KCNQ2: variants seen among roughly 807,000 people sequenced by gnomAD.
The protein encoded by KCNQ2 is potassium voltage-gated channel subfamily Q member 2.
In KCNQ2, 14 loss-of-function variants were observed where a neutral mutation model predicts 84.8. The observed-to-expected ratio is 0.17, with a 90% CI of 0.11 to 0.26. KCNQ2 has a LOEUF of 0.26. Ranked by LOEUF, KCNQ2 falls within the 10% of genes least tolerant of loss-of-function variation. The probability of loss-of-function intolerance (pLI) is 1.00; values close to 1 mark genes in which losing one functional copy is unlikely to be tolerated. For missense variants in KCNQ2, 788 were observed against 1,254.0 expected (o/e 0.63, Z 5.61); for synonymous variants, 599 against 554.1 (o/e 1.08, Z -1.14).
At chr20:63,452,626 G>A (rs567705437) in intron 1 of KCNQ2, among the ~76,000 whole-genome samples, 57 of 152,360 alleles carry the variant, frequency 3.7e-4, no homozygotes, top group African/African-American at 1.3e-3. Context: ...CAGGGGCCTC[G>A]GCCAGAGGCC....
In KCNQ2 at chr20:63,406,309, C is replaced by G; in HGVS notation, c.*335G>C. On this transcript the variant is annotated 3_prime_UTR_variant, in exon 17 of 17. Coordinates refer to ENST00000359125, the MANE Select transcript of KCNQ2 (RefSeq NM_172107.4). ...AGACAACCCCCCGCCTGTTGCCACG[C>G]TGGCAACACCCCGTCATCACTCCCG... 1 of 302,438 alleles carries G rather than the reference C, an allele frequency of 3.3e-6. No individual in the cohort carries two copies. Among genetic ancestry groups the G allele is most frequent in the East Asian group, 6.8e-5 (1 of 14,698 alleles). The allele number at this position is 302,438 out of a possible 1,614,324, so 18.7% of individuals were successfully genotyped here.
At position 63,428,453 on chromosome 20, in the gene KCNQ2, G is replaced by T. The variant is rs1392489754; in HGVS notation, c.1149-18C>A. 5.7e-6 allele frequency: 9 copies of T among 1,576,888 alleles called. No homozygotes were observed. The highest frequency in any genetic ancestry group is 7.8e-6 in the Non-Finnish European group (9 of 1,160,082). ...GGATAAGTCTGGGGCAAGAGAAGGA[G>T]AGGGGAGTGAGCGTCTCACCCTCCC... is the stretch of plus-strand genomic sequence containing the variant. On this transcript the variant is annotated intron_variant, in intron 9 of 16. Transcript: ENST00000359125.
intron 10 of KCNQ2, 55 bp downstream of exon 10, chr20:63,428,312 G>T: frequency 7.2e-7 from 1 of 1,397,778 alleles, no homozygotes; most frequent in Non-Finnish European, 9.9e-7. Context: ...GGGCAGCTGG[G>T]GCCCCCAGGA....
chr20:63,412,177 G>A lies in KCNQ2; in HGVS notation c.1763+1273C>T, dbSNP rs1232893378. 30 of 364,816 alleles carry A rather than the reference G, an allele frequency of 8.2e-5. No individual in the cohort carries two copies. In the East Asian group the frequency reaches 1.6e-3, roughly 19 times the overall value. 22.6% of individuals were successfully genotyped at this position (364,816 alleles called of 1,614,324 possible). Reference sequence around the variant, plus strand: ...AGGGGAGGTGCCCGCAGCAGGAGCCGGTACCAGACAGGCCGCGGCGGGGCA... The same window carrying A: ...AGGGGAGGTGCCCGCAGCAGGAGCCAGTACCAGACAGGCCGCGGCGGGGCA... On this transcript the variant is annotated intron_variant, in intron 15 of 16. Coordinates refer to ENST00000359125, the MANE Select transcript of KCNQ2 (RefSeq NM_172107.4).
At chr20:63,437,924 T>C (rs888243464) in intron 7 of KCNQ2, among the ~76,000 whole-genome samples, 8 of 152,150 alleles carry the variant, frequency 5.3e-5, no homozygotes, top group African/African-American at 1.7e-4. Context: ...ATTCTCCTGC[T>C]TCAGCCTCCC....
At chr20:63,464,194 G>T (rs947194929) in intron 1 of KCNQ2, among the ~76,000 whole-genome samples, 1 of 152,070 alleles carries the variant, frequency 6.6e-6, no homozygotes, top group Admixed American at 6.5e-5. Context: ...GCGAGAGGCC[G>T]CCCAGCATCC....
At chr20:63,415,578 G>A (rs2080274063) in intron 12 of KCNQ2, among the ~76,000 whole-genome samples, 1 of 152,004 alleles carries the variant, frequency 6.6e-6, no homozygotes, top group South Asian at 2.1e-4. Flanking sequence ...GAGGCTGGGT[G>A]GGCAGCAAGC....
chr20:63,419,576 G>A (rs746763984), intron 12 of KCNQ2, 43 bp downstream of exon 12: 1 of 1,577,552 alleles, frequency 6.3e-7, no homozygotes, highest in South Asian at 1.2e-5. Context: ...GGGCAGAGGA[G>A]CCGTGCAGCA....
At chr20:63,410,127 C>T (rs1431732314) in intron 15 of KCNQ2, 4 of 185,910 alleles carry the variant, frequency 2.2e-5, no homozygotes, top group Non-Finnish European at 4.5e-5. Context: ...GAGGGGACGG[C>T]GGGAGGGGAC....
chr20:63,407,617 G>A lies in KCNQ2; in HGVS notation c.1888-242C>T, dbSNP rs2079990386. ...CAGGAGAGACCCAGGCTAGTCCCAG[G>A]AAATGGGGGACCCAGGCTAGTCCCA... On this transcript the variant is annotated intron_variant, in intron 16 of 16. Coordinates refer to ENST00000359125, the MANE Select transcript of KCNQ2 (RefSeq NM_172107.4). This position sits in a 1 kb window ranked among gnomAD's most constrained non-coding sequence, Gnocchi z 7.2. Among the ~76,000 whole-genome samples the A allele has an allele frequency of 6.6e-6, 1 of 151,306 alleles. No homozygotes were observed. Among genetic ancestry groups the A allele is most frequent in the Non-Finnish European group, 1.5e-5 (1 of 67,686 alleles).
intron 8 of KCNQ2, 84 bp from the exon 9 acceptor site, chr20:63,431,453 T>C: frequency 2.1e-6 from 3 of 1,456,044 alleles, no homozygotes; most frequent in South Asian, 1.1e-5. Flanking sequence ...ATGAAACAAA[T>C]AGTTGAGGAA....
intron 4 of KCNQ2, among the ~76,000 whole-genome samples, chr20:63,443,415 T>TCGTCAC (rs2081312224): frequency 5.5e-5 from 1 of 18,254 alleles, no homozygotes; most frequent in African/African-American, 9.4e-5. Context: ...ACCATCACCA[T>TCGTCAC]CACCACCATC....
At chr20:63,433,661 TA>T in intron 8 of KCNQ2, 147 bp downstream of exon 8, 1 of 1,485,302 alleles carries the variant, frequency 6.7e-7, no homozygotes, top group Non-Finnish European at 9.3e-7. Context: ...CGCCTCGAAA[TA>T]AACCACACAC....
rs371825912 is a variant in KCNQ2, at chr20:63,406,621, G to A, written c.*23C>T. 2.0e-5 allele frequency: 31 copies of A among 1,574,896 alleles called. No individual in the cohort carries two copies. The highest frequency in any genetic ancestry group is 7.0e-5 in the Admixed American group (4 of 57,326). On this transcript the variant is annotated 3_prime_UTR_variant, in exon 17 of 17. Transcript: ENST00000359125. Reference sequence around the variant, plus strand: ...CACCGTGCTGAGGAGGGCCGCGGGCGGGTCCACTGGCCCAGCGCCGCCTCA... The same window carrying A: ...CACCGTGCTGAGGAGGGCCGCGGGCAGGTCCACTGGCCCAGCGCCGCCTCA...
In KCNQ2 at chr20:63,472,317, C is replaced by T; in HGVS notation, c.147G>A (p.Lys49=). 1 of 1,538,408 alleles carries T rather than the reference C, an allele frequency of 6.5e-7. No individual in the cohort carries two copies. The highest frequency in any genetic ancestry group is 8.8e-7 in the Non-Finnish European group (1 of 1,142,638). The change falls in exon 1 of 17, where the codon AAG becomes AAA. Residue 49 remains lysine (K), a synonymous_variant. Transcript: ENST00000359125. ...ALLIAGSEAP[K]RGSILSKPRA... is the part of the protein sequence containing the mutation. Reference sequence around the variant, plus strand: ...GAGGTTTGCTGAGGATGCTGCCGCGCTTGGGGGCCTCGGAGCCGGCGATCA... The same window carrying T: ...GAGGTTTGCTGAGGATGCTGCCGCGTTTGGGGGCCTCGGAGCCGGCGATCA...
chr20:63,420,989 C>T (rs759136854), intron 11 of KCNQ2, among the ~76,000 whole-genome samples: 19 of 152,134 alleles, frequency 1.2e-4, no homozygotes, highest in Admixed American at 4.6e-4. Flanking sequence ...ACCCCAGCTA[C>T]GATGACACCC....
chr20:63,423,243 T>C (rs1169952361), intron 11 of KCNQ2, among the ~76,000 whole-genome samples: 1 of 151,960 alleles, frequency 6.6e-6, no homozygotes, highest in Non-Finnish European at 1.5e-5. Context: ...GCTGGAAAAA[T>C]GCAGCTCAGC....
chr20:63,424,381 A>T, intron 10 of KCNQ2, 175 bp from the exon 11 acceptor site: 1 of 705,696 alleles, frequency 1.4e-6, no homozygotes, highest in Non-Finnish European at 2.4e-6. Context: ...CCACGGCCCC[A>T]GGAACGGGCA....
At chr20:63,437,584 G>A (rs1454987417) in intron 7 of KCNQ2, among the ~76,000 whole-genome samples, 4 of 152,228 alleles carry the variant, frequency 2.6e-5, no homozygotes, top group African/African-American at 4.8e-5. Context: ...CCCCTCCTCT[G>A]TGTCAAATCT....
Sources: allele counts gnomAD v4.1 joint callset (sites outside exome capture counted in the v4.1 genomes callset), GRCh38; gene constraint gnomAD v4.1.1; non-coding constraint Gnocchi (gnomAD v3.1); transcripts MANE v1.5; gene names NCBI Gene and HGNC (gene_info 2026-07-23, HGNC 2026-07-21).